Variants in BMPR1B observed in about 807,000 individuals in gnomAD.
The protein encoded by BMPR1B is bone morphogenetic protein receptor type 1B.
In BMPR1B, 12 loss-of-function variants were observed where a neutral mutation model predicts 59.1. That is an observed-to-expected ratio of 0.20 (90% CI 0.13 to 0.33). BMPR1B has a LOEUF of 0.33. BMPR1B is among the 10% of genes least tolerant of loss of function. BMPR1B has a pLI of 1.00. For missense variants in BMPR1B, 550 were observed against 610.9 expected, an observed-to-expected ratio of 0.90 and a Z score of 1.05; for synonymous variants, 237 against 207.3, an observed-to-expected ratio of 1.14 and a Z score of -1.23.
At chr4:94,886,840 G>A (rs1161751648) in intron 2 of BMPR1B, among the ~76,000 whole-genome samples, 1 of 152,148 alleles carries the variant, frequency 6.6e-6, no homozygotes, top group African/African-American at 2.4e-5. Context: ...GAGGGACACT[G>A]GCAAGGGAAC....
intron 1 of BMPR1B, among the ~76,000 whole-genome samples, chr4:94,762,126 C>G (rs908754722): frequency 6.6e-6 from 1 of 152,244 alleles, no homozygotes; most frequent in Admixed American, 6.5e-5. Flanking sequence ...TCATGATGTT[C>G]AGGACATCCA....
intron 10 of BMPR1B, among the ~76,000 whole-genome samples, chr4:95,145,217 C>G (rs930795850): frequency 6.6e-5 from 10 of 152,092 alleles, no homozygotes; most frequent in Non-Finnish European, 1.0e-4. Flanking sequence ...TAACGAGTAT[C>G]CTATTTATGT....
chr4:94,975,858 A>T (rs977652847), intron 2 of BMPR1B, among the ~76,000 whole-genome samples: 1 of 152,188 alleles, frequency 6.6e-6, no homozygotes, highest in Non-Finnish European at 1.5e-5. Flanking sequence ...GACATTTCCC[A>T]CATATAATCA....
intron 6 of BMPR1B, among the ~76,000 whole-genome samples, chr4:95,119,813 A>G (rs981433584): frequency 1.3e-5 from 2 of 152,226 alleles, no homozygotes; most frequent in Non-Finnish European, 2.9e-5. Context: ...AACACTGACC[A>G]TCATGAAGTT....
At position 95,031,835 on chromosome 4, in the gene BMPR1B, G is replaced by A. The variant is rs187617744; in HGVS notation, c.-18+35701G>A. Reference sequence around the variant, plus strand: ...TCAGCACTTTAGGAGACTGAGGTGGGAGGATTGCTTGAGCCCAGGAGTTCA... The same window carrying A: ...TCAGCACTTTAGGAGACTGAGGTGGAAGGATTGCTTGAGCCCAGGAGTTCA... On this transcript the variant is annotated intron_variant, in intron 3 of 12. Coordinates refer to ENST00000515059, the MANE Select transcript of BMPR1B (RefSeq NM_001203.3). Among the ~76,000 whole-genome samples, 1,035 of 152,206 alleles carry A rather than the reference G, an allele frequency of 6.8e-3. 13 individuals carry two copies. Among genetic ancestry groups the A allele is most frequent in the Non-Finnish European group, 6.4e-3 (433 of 67,992 alleles).
chr4:94,897,794 G>A (rs116345466), intron 2 of BMPR1B, among the ~76,000 whole-genome samples: 171 of 151,930 alleles, frequency 1.1e-3, no homozygotes, highest in African/African-American at 3.7e-3. Flanking sequence ...ATATTATGAG[G>A]TGTGTGTTAT....
chr4:95,137,748 C>A (rs570738679), intron 10 of BMPR1B, among the ~76,000 whole-genome samples: 2 of 152,096 alleles, frequency 1.3e-5, no homozygotes, highest in South Asian at 4.1e-4. Flanking sequence ...TTTCTGTTTT[C>A]CATTTGCTTG....
At chr4:94,847,075 TA>T (rs1233971053) in intron 1 of BMPR1B, among the ~76,000 whole-genome samples, 1 of 151,582 alleles carries the variant, frequency 6.6e-6, no homozygotes, top group African/African-American at 2.4e-5. Context: ...AACCAGAAAA[TA>T]TAAGGGGCTC....
At chr4:94,940,782 C>T (rs1274215337) in intron 2 of BMPR1B, among the ~76,000 whole-genome samples, 1 of 152,126 alleles carries the variant, frequency 6.6e-6, no homozygotes, top group Admixed American at 6.6e-5. Context: ...CAGAATAGAG[C>T]CCCGAAATTC....
At chr4:94,877,547 A>C (rs1190331423) in intron 2 of BMPR1B, among the ~76,000 whole-genome samples, 60 of 152,258 alleles carry the variant, frequency 3.9e-4, no homozygotes, top group Admixed American at 3.9e-3. Context: ...GGGTGCCTAT[A>C]GGCACCTTTC....
chr4:94,942,259 A>G (rs1729546942), intron 2 of BMPR1B, among the ~76,000 whole-genome samples: 2 of 152,212 alleles, frequency 1.3e-5, no homozygotes, highest in South Asian at 4.1e-4. Context: ...TCAAATTTTA[A>G]TGCTATTTGG....
At chr4:94,774,832 A>C (rs1722310093) in intron 1 of BMPR1B, among the ~76,000 whole-genome samples, 1 of 152,094 alleles carries the variant, frequency 6.6e-6, no homozygotes, top group Non-Finnish European at 1.5e-5. Context: ...ACAATATGGA[A>C]TATAGAACCC....
intron 3 of BMPR1B, among the ~76,000 whole-genome samples, chr4:95,000,688 T>G (rs1430138273): frequency 6.6e-6 from 1 of 152,106 alleles, no homozygotes; most frequent in African/African-American, 2.4e-5. Flanking sequence ...AAGTTCCTGT[T>G]AGCCAGTGAG....
intron 1 of BMPR1B, among the ~76,000 whole-genome samples, chr4:94,852,211 T>C (rs1322093404): frequency 6.6e-6 from 1 of 152,156 alleles, no homozygotes; most frequent in Non-Finnish European, 1.5e-5. Context: ...CTCTTGGTTC[T>C]TTATGGCCAG....
At chr4:95,076,346 A>G (rs1339521315) in intron 3 of BMPR1B, among the ~76,000 whole-genome samples, 1 of 152,140 alleles carries the variant, frequency 6.6e-6, no homozygotes, top group Non-Finnish European at 1.5e-5. Flanking sequence ...ATGAAAAGTT[A>G]TAATCTAGTC....
In BMPR1B at chr4:94,792,498, C is replaced by T. The variant is rs528863594; in HGVS notation, c.-183+34430C>T. ...TAACACACACACACATACACACACGCACACTTTTTGCTTTTTTTAGTACTT... is the reference window on the plus strand; with the variant it reads ...TAACACACACACACATACACACACGTACACTTTTTGCTTTTTTTAGTACTT... On this transcript the variant is annotated intron_variant, in intron 1 of 12. Coordinates refer to ENST00000515059, the MANE Select transcript of BMPR1B (RefSeq NM_001203.3). Among the ~76,000 whole-genome samples the T allele has an allele frequency of 2.6e-5, 4 of 152,174 alleles. No homozygotes were observed. The South Asian group carries it at 8.3e-4, about 32-fold the overall frequency.
chr4:95,131,183 A>G (rs770182702), intron 9 of BMPR1B, 32 bp from the exon 10 acceptor site: 9 of 1,595,318 alleles, frequency 5.6e-6, no homozygotes, highest in African/African-American at 1.3e-5. Context: ...TATTTGGAAA[A>G]CACTAAACCT....
At chr4:95,148,134 T>C (rs537022576) in intron 10 of BMPR1B, among the ~76,000 whole-genome samples, 1 of 152,336 alleles carries the variant, frequency 6.6e-6, no homozygotes, top group Admixed American at 6.5e-5. Context: ...GTAAAACAAT[T>C]GCATGTCTTT....
At chr4:94,803,249 G>A (rs772917005) in intron 1 of BMPR1B, among the ~76,000 whole-genome samples, 2 of 152,304 alleles carry the variant, frequency 1.3e-5, no homozygotes, top group Non-Finnish European at 2.9e-5. Flanking sequence ...ATTTATGGCA[G>A]TGATTTCCCT....
Sources: gnomAD v4.1 joint callset for allele counts (sites outside exome capture counted in the v4.1 genomes callset) on GRCh38, gnomAD v4.1.1 for gene constraint, MANE v1.5 for transcripts, NCBI Gene and HGNC (gene_info 2026-07-23, HGNC 2026-07-21) for gene names.